Variants in UQCRC2 observed in about 807,000 individuals in gnomAD.
The protein encoded by UQCRC2 is cytochrome b-c1 complex subunit 2, mitochondrial.
A neutral mutation model predicts 55.6 loss-of-function variants in UQCRC2; 49 were observed. That is an observed-to-expected ratio of 0.88 (90% CI 0.70 to 1.12). The LOEUF is 1.12. UQCRC2 is among the 50% of genes most tolerant of loss of function. UQCRC2 has a pLI of 0.00. For synonymous variants in UQCRC2, 193 were observed against 192.0 expected (o/e 1.01, Z -0.04); for missense variants, 506 against 547.8 (o/e 0.92, Z 0.76).
At chr16:21,974,259 G>A (rs1404139433) in intron 11 of UQCRC2, among the ~76,000 whole-genome samples, 1 of 152,174 alleles carries the variant, frequency 6.6e-6, no homozygotes, top group Non-Finnish European at 1.5e-5. Context: ...GAACCCAGGA[G>A]AGGGGAAGAC....
chr16:21,976,504 C>A, intron 12 of UQCRC2: 1 of 354,576 alleles, frequency 2.8e-6, no homozygotes, highest in Non-Finnish European at 5.2e-6. Flanking sequence ...CCAGCTTGGG[C>A]AACATAGCAA....
chr16:21,964,399 T>C (rs1447833809), intron 6 of UQCRC2, among the ~76,000 whole-genome samples: 2 of 152,158 alleles, frequency 1.3e-5, no homozygotes, highest in African/African-American at 4.8e-5. Flanking sequence ...ACAGTGATCC[T>C]TCTGACGTGA....
intron 6 of UQCRC2, 157 bp downstream of exon 6, chr16:21,963,042 G>A: frequency 4.2e-6 from 4 of 962,084 alleles, no homozygotes; most frequent in East Asian, 3.3e-5. Context: ...AGGCTGGAGT[G>A]CAGTGGCACG....
chr16:21,966,112 A>T (rs1898319209), intron 7 of UQCRC2, among the ~76,000 whole-genome samples: 1 of 151,846 alleles, frequency 6.6e-6, no homozygotes, highest in South Asian at 2.1e-4. Flanking sequence ...CCAGGAGTTC[A>T]AGACCAGCCT....
rs148692532 is a variant in UQCRC2 at position 21,963,534 on chromosome 16, T to C, written c.514+649T>C. Reference sequence around the variant, plus strand: ...CCCAGGCTGGAGTGCAGTGGCACAATCTCACTGCAGCCTGAACCTTCTGGA... The same window carrying C: ...CCCAGGCTGGAGTGCAGTGGCACAACCTCACTGCAGCCTGAACCTTCTGGA... On this transcript the variant is annotated intron_variant, in intron 6 of 13. Transcript: ENST00000268379. Among the ~76,000 whole-genome samples, 42 of 152,066 alleles carry C rather than the reference T, an allele frequency of 2.8e-4. No individual in the cohort carries two copies. The East Asian group carries it at 8.0e-3, about 29-fold the overall frequency.
Position 21,962,890 on chromosome 16 carries a change from G to A in UQCRC2, c.514+5G>A, listed in dbSNP as rs751215750. ...CCTTTCAGAATCCGCAGACTCGTAA[G>A]TACATTTCCAGATCACATTTGATTC... On this transcript the variant is annotated splice_donor_5th_base_variant and intron_variant, in intron 6 of 13. Coordinates refer to ENST00000268379, the MANE Select transcript of UQCRC2 (RefSeq NM_003366.4). 5 of 1,612,778 alleles carry A rather than the reference G, an allele frequency of 3.1e-6. No individual in the cohort carries two copies. Among genetic ancestry groups the A allele is most frequent in the Non-Finnish European group, 4.2e-6 (5 of 1,179,178 alleles).
chr16:21,964,833 C>T (rs1001894287), intron 6 of UQCRC2, among the ~76,000 whole-genome samples: 6 of 152,206 alleles, frequency 3.9e-5, no homozygotes, highest in Non-Finnish European at 8.8e-5. Context: ...TAGCACCTAG[C>T]ACAGTGCCTC....
intron 1 of UQCRC2, among the ~76,000 whole-genome samples, chr16:21,955,054 C>CAA (rs11388256): frequency 0.068 from 6,806 of 100,604 alleles, 439 homozygotes; most frequent in South Asian, 0.24. Flanking sequence ...GACTCCGTCT[C>CAA]AAAAAAAAAA....
At chr16:21,963,971 A>C (rs1898264866) in intron 6 of UQCRC2, among the ~76,000 whole-genome samples, 1 of 152,180 alleles carries the variant, frequency 6.6e-6, no homozygotes, top group African/African-American at 2.4e-5. Flanking sequence ...CTAATTATAT[A>C]ATCTTGACAA....
chr16:21,955,816 ACTTTGT>A (rs1302570463), intron 1 of UQCRC2, among the ~76,000 whole-genome samples: 1 of 151,230 alleles, frequency 6.6e-6, no homozygotes, highest in Non-Finnish European at 1.5e-5. Context: ...GTTGGTATAT[ACTTTGT>A]CTTTTTCTTT....
chr16:21,966,151 A>AG (rs1192788566), intron 7 of UQCRC2, among the ~76,000 whole-genome samples: 13 of 109,562 alleles, frequency 1.2e-4, no homozygotes. Context: ...CTGTCTCTAC[A>AG]AAAAAAAAAT....
chr16:21,962,540 A>T, intron 5 of UQCRC2, 24 bp downstream of exon 5: 1 of 1,613,998 alleles, frequency 6.2e-7, no homozygotes, highest in Non-Finnish European at 8.5e-7. Context: ...TGTGTTTAGG[A>T]CTTCTGCTTT....
chr16:21,980,887 T>A (rs1161008910), intron 13 of UQCRC2, among the ~76,000 whole-genome samples, 187 bp downstream of exon 13: 23 of 152,144 alleles, frequency 1.5e-4, no homozygotes, highest in Admixed American at 1.5e-3. Context: ...AGCTCGAGTA[T>A]ATGTATCTTC....
At chr16:21,962,567 T>C (rs2141931957) in intron 5 of UQCRC2, 51 bp downstream of exon 5, 5 of 1,609,934 alleles carry the variant, frequency 3.1e-6, no homozygotes, top group Non-Finnish European at 3.4e-6. Context: ...AATACTAAGC[T>C]GCTCACTTCT....
Position 21,971,905 on chromosome 16 carries a change from T to G in UQCRC2, c.767-18T>G. On this transcript the variant is annotated intron_variant, in intron 9 of 13. Transcript: ENST00000268379. Reference sequence around the variant, plus strand: ...ACAAGCCATTTTCTTCTTCCCTCTATCCTTAATCTGGCCCCAGGTGAAATC... The same window carrying G: ...ACAAGCCATTTTCTTCTTCCCTCTAGCCTTAATCTGGCCCCAGGTGAAATC... 2 of 1,613,168 alleles carry G rather than the reference T, an allele frequency of 1.2e-6. No individual in the cohort carries two copies. The highest frequency in any genetic ancestry group is 1.7e-6 in the Non-Finnish European group (2 of 1,179,998).
Position 21,972,265 on chromosome 16 carries a change from A to G in UQCRC2, c.966+143A>G, listed in dbSNP as rs939234046. The G allele has an allele frequency of 1.1e-5, 12 of 1,126,470 alleles. No individual in the cohort carries two copies. In the African/African-American group the frequency reaches 1.7e-4, roughly 16 times the overall value. The allele number at this position is 1,126,470 out of a possible 1,614,324, so 69.8% of individuals were successfully genotyped here. A position where few individuals can be genotyped will look rare whatever the true frequency, so the allele number is the denominator to read the frequency against. ...TGAAGAGATAGCCAGGCTTGATTTTAGTATCTTTGAAGGCCTATCAAAAAC... is the reference window on the plus strand; with the variant it reads ...TGAAGAGATAGCCAGGCTTGATTTTGGTATCTTTGAAGGCCTATCAAAAAC... On this transcript the variant is annotated intron_variant, in intron 10 of 13. Transcript: ENST00000268379.
At position 21,958,536 on chromosome 16, in the gene UQCRC2, C is replaced by T. The variant is rs772792857; in HGVS notation, c.269C>T (p.Thr90Met). 8.1e-6 allele frequency: 13 copies of T among 1,611,444 alleles called. No individual in the cohort carries two copies. The highest frequency in any genetic ancestry group is 6.7e-5 in the East Asian group (3 of 44,762). The part of the protein sequence containing the change: ...THLLRLTSSL[T>M]TKGASSFKIT... ...GATAATCATTCTTTCTTTTTCAAGA[C>T]GACAAAAGGAGCTTCATCTTTCAAG... The change falls in exon 4 of 14, where the codon ACG becomes ATG. Residue 90 changes from threonine to methionine, a missense_variant and splice_region_variant. Physicochemically the swap from Thr to Met is moderately conservative, Grantham distance 81. Coordinates refer to ENST00000268379, the MANE Select transcript of UQCRC2 (RefSeq NM_003366.4).
intron 1 of UQCRC2, among the ~76,000 whole-genome samples, chr16:21,955,262 T>C (rs990279887): frequency 6.6e-6 from 1 of 152,146 alleles, no homozygotes; most frequent in Non-Finnish European, 1.5e-5. Flanking sequence ...GCAAACTAAA[T>C]TGATGACGAT....
At chr16:21,961,664 A>ATATATG (rs1261737606) in intron 4 of UQCRC2, among the ~76,000 whole-genome samples, 6 of 103,984 alleles carry the variant, frequency 5.8e-5, no homozygotes, top group Admixed American at 1.0e-4. Context: ...ATATATATAT[A>ATATATG]TATATTTTAG....
Sources: allele counts gnomAD v4.1 joint callset (sites outside exome capture counted in the v4.1 genomes callset), GRCh38; gene constraint gnomAD v4.1.1; transcripts MANE v1.5; gene names NCBI Gene and HGNC (gene_info 2026-07-23, HGNC 2026-07-21).